ATP8A2: variants seen among roughly 807,000 people sequenced by gnomAD.
ATP8A2 encodes ATPase phospholipid transporting 8A2, also known as phospholipid-transporting ATPase IB.
ATP8A2 carries 100 observed loss-of-function variants against 165.6 expected under a neutral mutation model. The ratio of observed to expected loss-of-function variants is 0.60; its 90% CI spans 0.51 to 0.71. The LOEUF (loss-of-function observed/expected upper bound fraction) is 0.71, where lower values mean the gene tolerates loss of function less well. Among genes scored for constraint, ATP8A2 ranks in the 30% least tolerant of loss-of-function variants. The probability of loss-of-function intolerance (pLI) is 0.00; values close to 1 mark genes in which losing one functional copy is unlikely to be tolerated. For missense variants in ATP8A2, 1,227 were observed against 1,479.5 expected, an observed-to-expected ratio of 0.83 and a Z score of 2.80; for synonymous variants, 543 against 548.8, an observed-to-expected ratio of 0.99 and a Z score of 0.15.
chr13:25,846,367 A>C (rs1951864222), intron 30 of ATP8A2, among the ~76,000 whole-genome samples: 1 of 152,164 alleles, frequency 6.6e-6, no homozygotes, highest in Admixed American at 6.5e-5. Context: ...TTCCAGGGAA[A>C]ACTAACCTGG....
intron 35 of ATP8A2, among the ~76,000 whole-genome samples, chr13:25,970,964 G>A (rs564285675): frequency 6.6e-6 from 1 of 152,096 alleles, no homozygotes; most frequent in Non-Finnish European, 1.5e-5. Context: ...TTATTTTCTG[G>A]TTCCTTGTAA....
At chr13:25,821,741 G>C (rs1325929644) in intron 27 of ATP8A2, among the ~76,000 whole-genome samples, 1 of 152,180 alleles carries the variant, frequency 6.6e-6, no homozygotes, top group Non-Finnish European at 1.5e-5. Flanking sequence ...GCTGTAGAGA[G>C]CTCTTCTGGG....
intron 8 of ATP8A2, among the ~76,000 whole-genome samples, chr13:25,541,234 T>G (rs1344435114): frequency 6.6e-6 from 1 of 152,244 alleles, no homozygotes; most frequent in Non-Finnish European, 1.5e-5. Context: ...TTTTGCTGCT[T>G]AAAGTTGAAT....
At chr13:26,000,052 A>G (rs1397937344) in intron 35 of ATP8A2, among the ~76,000 whole-genome samples, 1 of 152,194 alleles carries the variant, frequency 6.6e-6, no homozygotes. Context: ...TCCTAATGAT[A>G]ATGAGTAAAA....
At chr13:25,642,535 A>G (rs4375525) in intron 24 of ATP8A2, among the ~76,000 whole-genome samples, 19,020 of 152,210 alleles carry the variant, frequency 0.12, 1,357 homozygotes, top group Admixed American at 0.2. Context: ...GCAAATCAAA[A>G]CAATGAGATA....
intron 4 of ATP8A2, among the ~76,000 whole-genome samples, chr13:25,531,176 T>TG (rs2038028266): frequency 1.1e-5 from 1 of 88,944 alleles, no homozygotes; most frequent in African/African-American, 4.4e-5. Context: ...TGTTATATGA[T>TG]ATATATATGT....
chr13:25,838,534 C>G (rs115584646), intron 29 of ATP8A2, among the ~76,000 whole-genome samples: 1 of 151,008 alleles, frequency 6.6e-6, no homozygotes, highest in Admixed American at 6.6e-5. Flanking sequence ...TGAGAATGCA[C>G]GGAAACTTAT....
At chr13:25,984,597 CAAAA>C (rs11314872) in intron 35 of ATP8A2, among the ~76,000 whole-genome samples, 4 of 136,152 alleles carry the variant, frequency 2.9e-5, no homozygotes, top group Non-Finnish European at 6.4e-5. Context: ...GACTTTGTCT[CAAAA>C]AAAAAAAAAC....
At chr13:25,979,475 G>A (rs1156660149) in intron 35 of ATP8A2, among the ~76,000 whole-genome samples, 1 of 152,172 alleles carries the variant, frequency 6.6e-6, no homozygotes, top group African/African-American at 2.4e-5. Context: ...TTCTAATAGG[G>A]CAGTGATAAT....
chr13:25,768,080 G>C (rs1422630699), intron 25 of ATP8A2, among the ~76,000 whole-genome samples: 1 of 138,806 alleles, frequency 7.2e-6, no homozygotes, highest in Admixed American at 7.1e-5. Context: ...GTGGCGTGGG[G>C]GGGGGGTGGT....
chr13:25,561,835 G>A (rs1018625855), intron 15 of ATP8A2, among the ~76,000 whole-genome samples: 13 of 152,212 alleles, frequency 8.5e-5, no homozygotes, highest in Middle Eastern at 3.4e-3. Flanking sequence ...CTATGATTTT[G>A]CCTGTTCTAG....
chr13:25,534,049 C>G, intron 6 of ATP8A2: 1 of 444,390 alleles, frequency 2.3e-6, no homozygotes, highest in South Asian at 1.7e-5. Flanking sequence ...TGAAGTGGTT[C>G]TTCTTGCTAA....
At chr13:25,399,397 C>CTTATTTT (rs1555264877) in intron 1 of ATP8A2, among the ~76,000 whole-genome samples, 1 of 74,058 alleles carries the variant, frequency 1.4e-5, no homozygotes, top group Non-Finnish European at 2.4e-5. Context: ...AGTGGTTCTT[C>CTTATTTT]TTTTTTTTTT....
chr13:25,786,717 C>T (rs188636201), intron 27 of ATP8A2, among the ~76,000 whole-genome samples: 12 of 149,548 alleles, frequency 8.0e-5, no homozygotes, highest in Admixed American at 2.0e-4. Context: ...ATAATTTACA[C>T]GGAGTAAAAT....
intron 27 of ATP8A2, among the ~76,000 whole-genome samples, chr13:25,814,603 T>C (rs2138533350): frequency 7.8e-6 from 1 of 128,158 alleles, no homozygotes; most frequent in East Asian, 2.2e-4. Context: ...TCAACAAGAG[T>C]GCCGAGAGCA....
intron 24 of ATP8A2, among the ~76,000 whole-genome samples, chr13:25,637,905 G>A (rs1046181272): frequency 2.6e-5 from 4 of 152,152 alleles, no homozygotes; most frequent in Non-Finnish European, 4.4e-5. Context: ...CCTCTGAGAC[G>A]AAGCTTCCAG....
chr13:25,454,892 A>G (rs925262721), intron 1 of ATP8A2, among the ~76,000 whole-genome samples: 3 of 152,242 alleles, frequency 2.0e-5, no homozygotes, highest in Non-Finnish European at 4.4e-5. Flanking sequence ...ACTGTACTCC[A>G]GCCTCGCCGA....
chr13:25,728,931 A>G (rs2043554822), intron 25 of ATP8A2, among the ~76,000 whole-genome samples: 1 of 152,148 alleles, frequency 6.6e-6, no homozygotes, highest in African/African-American at 2.4e-5. Flanking sequence ...TAACTCTGAA[A>G]ACCCTGTTTT....
chr13:25,723,767 G>GT (rs2043434378), intron 25 of ATP8A2, among the ~76,000 whole-genome samples: 4 of 152,016 alleles, frequency 2.6e-5, no homozygotes, highest in Admixed American at 2.6e-4. Flanking sequence ...CTCCCTCCAC[G>GT]TAACCCCCGA....
Sources: gnomAD v4.1 joint callset for allele counts (sites outside exome capture counted in the v4.1 genomes callset) on GRCh38, gnomAD v4.1.1 for gene constraint, MANE v1.5 for transcripts, NCBI Gene and HGNC (gene_info 2026-07-23, HGNC 2026-07-21) for gene names.